SLC12A8: variants seen among roughly 807,000 people sequenced by gnomAD.
SLC12A8 encodes cation-chloride cotransporter 9.
A neutral mutation model predicts 75.6 loss-of-function variants in SLC12A8; 69 were observed. The observed-to-expected ratio is 0.91, with a 90% CI of 0.75 to 1.11. The LOEUF (loss-of-function observed/expected upper bound fraction) is 1.11. SLC12A8 is among the 50% of genes most tolerant of loss of function. The probability of loss-of-function intolerance (pLI) is 0.00; values close to 1 mark genes in which losing one functional copy is unlikely to be tolerated. For missense variants in SLC12A8, 877 were observed against 896.7 expected (o/e 0.98, Z 0.28); for synonymous variants, 365 against 372.8 (o/e 0.98, Z 0.24).
chr3:125,084,308 A>G (rs963050486), intron 13 of SLC12A8, among the ~76,000 whole-genome samples: 2 of 152,160 alleles, frequency 1.3e-5, no homozygotes, highest in Non-Finnish European at 2.9e-5. Context: ...AGCTGTACCT[A>G]CCTGATAGGA....
chr3:125,130,258 C>T (rs1933319399), intron 6 of SLC12A8, among the ~76,000 whole-genome samples: 1 of 152,114 alleles, frequency 6.6e-6, no homozygotes, highest in South Asian at 2.1e-4. Context: ...GCCAGAATGT[C>T]CAGTGTCTGT....
intron 5 of SLC12A8, among the ~76,000 whole-genome samples, chr3:125,145,173 G>A (rs773932936): frequency 6.6e-6 from 1 of 152,184 alleles, no homozygotes; most frequent in African/African-American, 2.4e-5. Context: ...GCTGCTCAGG[G>A]GAGACCAGAA....
rs143298361 is a variant in SLC12A8 at position 125,108,447 on chromosome 3, C to T, written c.1060-321G>A. Among the ~76,000 whole-genome samples, 244 of 152,100 alleles carry T rather than the reference C, an allele frequency of 1.6e-3. 11 individuals carry two copies. In the South Asian group the frequency reaches 0.049, roughly 31 times the overall value. On this transcript the variant is annotated intron_variant, in intron 9 of 13. Coordinates refer to ENST00000469902, the MANE Select transcript of SLC12A8 (RefSeq NM_024628.6). Reference sequence around the variant, plus strand: ...GCAGTGATGTGATCTCAGCTCATTGCAACCTCCGCCTCTTGGGCTTAAGCC... The same window carrying T: ...GCAGTGATGTGATCTCAGCTCATTGTAACCTCCGCCTCTTGGGCTTAAGCC...
chr3:125,165,212 G>C (rs562586316), intron 5 of SLC12A8, among the ~76,000 whole-genome samples: 3 of 152,224 alleles, frequency 2.0e-5, no homozygotes, highest in Non-Finnish European at 2.9e-5. Context: ...GAAGGAGAAC[G>C]TGAATGCCAG....
At position 125,110,083 on chromosome 3, in the gene SLC12A8, T is replaced by C. The variant is rs553026240; in HGVS notation, c.1059+106A>G. ...ATTTTCTGTGTCACCCCAAAGAAAT[T>C]GACCAGAGGCTCTGATCAGAAAAGC... On this transcript the variant is annotated intron_variant, in intron 9 of 13. Coordinates refer to ENST00000469902, the MANE Select transcript of SLC12A8 (RefSeq NM_024628.6). 9.9e-6 allele frequency: 12 copies of C among 1,210,098 alleles called. No individual in the cohort carries two copies. The South Asian group carries it at 1.1e-4, about 11-fold the overall frequency. 75.0% of individuals were successfully genotyped at this position (1,210,098 alleles called of 1,614,324 possible).
At chr3:125,126,981 T>C (rs772284306) in intron 6 of SLC12A8, among the ~76,000 whole-genome samples, 2 of 152,206 alleles carry the variant, frequency 1.3e-5, no homozygotes, top group Non-Finnish European at 1.5e-5. Flanking sequence ...ATGGGGATTA[T>C]ACTGTTTGCT....
Position 125,177,737 on chromosome 3 carries a change from G to C in SLC12A8, c.622+6C>G, listed in dbSNP as rs765976629. 6.2e-7 allele frequency: 1 copy of C among 1,611,592 alleles called. No homozygotes were observed. The highest frequency in any genetic ancestry group is 8.5e-7 in the Non-Finnish European group (1 of 1,177,956). ...AAGGCCACATACTGGACTCTGAAAG[G>C]CTTACCTGGGTCCAGGTGGGTGAAA... On this transcript the variant is annotated splice_donor_region_variant and intron_variant, in intron 5 of 13. Transcript: ENST00000469902.
chr3:125,194,103 G>A (rs944059660), intron 2 of SLC12A8, among the ~76,000 whole-genome samples: 1 of 152,228 alleles, frequency 6.6e-6, no homozygotes, highest in Admixed American at 6.5e-5. Context: ...AAAGCAAGGG[G>A]CAAATCAATC....
At chr3:125,177,715 G>C (rs543204076) in intron 5 of SLC12A8, 28 bp downstream of exon 5, 2 of 1,570,160 alleles carry the variant, frequency 1.3e-6, no homozygotes, top group South Asian at 2.2e-5. Flanking sequence ...GATCCATAAG[G>C]CCACATACTG....
chr3:125,153,090 C>T (rs927544282), intron 5 of SLC12A8, among the ~76,000 whole-genome samples: 3 of 152,208 alleles, frequency 2.0e-5, no homozygotes, highest in Non-Finnish European at 4.4e-5. Context: ...ACTCTCATCA[C>T]ACTTTCACAA....
intron 2 of SLC12A8, among the ~76,000 whole-genome samples, chr3:125,202,248 T>A (rs1935136672): frequency 6.6e-6 from 1 of 152,232 alleles, no homozygotes; most frequent in Admixed American, 6.5e-5. Flanking sequence ...AATTAATTGA[T>A]AATGTTCTAG....
intron 6 of SLC12A8, among the ~76,000 whole-genome samples, chr3:125,126,288 A>G (rs1933204580): frequency 6.6e-6 from 1 of 152,196 alleles, no homozygotes. Context: ...CTAGACATTG[A>G]CATCACACCT....
chr3:125,117,892 C>G (rs1413571165), intron 8 of SLC12A8, among the ~76,000 whole-genome samples: 2 of 152,198 alleles, frequency 1.3e-5, no homozygotes, highest in Non-Finnish European at 2.9e-5. Context: ...AGGGTGCAGA[C>G]TCTAGAAACA....
chr3:125,131,952 G>A (rs1280658794), intron 6 of SLC12A8, among the ~76,000 whole-genome samples: 9 of 152,148 alleles, frequency 5.9e-5, no homozygotes, highest in Non-Finnish European at 1.3e-4. Context: ...CAGAAGGAAA[G>A]GTTTGGGGAG....
intron 5 of SLC12A8, among the ~76,000 whole-genome samples, chr3:125,143,399 C>T (rs574507712): frequency 5.9e-5 from 9 of 152,200 alleles, no homozygotes; most frequent in Non-Finnish European, 1.2e-4. Context: ...TGATAGGTTT[C>T]GAAGAGGCCC....
chr3:125,084,683 A>G (rs1179570685), intron 13 of SLC12A8, among the ~76,000 whole-genome samples: 6 of 152,238 alleles, frequency 3.9e-5, no homozygotes, highest in East Asian at 1.9e-4. Flanking sequence ...GCTAAGAGGA[A>G]GAAAGGAGTG....
At chr3:125,122,909 CAAG>C (rs1277266572) in intron 6 of SLC12A8, among the ~76,000 whole-genome samples, 2 of 151,938 alleles carry the variant, frequency 1.3e-5, no homozygotes, top group Non-Finnish European at 2.9e-5. Flanking sequence ...CAGGTACATC[CAAG>C]AAGAATATTC....
intron 5 of SLC12A8, among the ~76,000 whole-genome samples, chr3:125,163,532 G>A (rs1934220146): frequency 6.6e-6 from 1 of 150,714 alleles, no homozygotes; most frequent in Non-Finnish European, 1.5e-5. Context: ...CTGGGAGGCA[G>A]AGCTTGGAGT....
intron 2 of SLC12A8, among the ~76,000 whole-genome samples, chr3:125,200,514 T>C (rs1935099661): frequency 6.6e-6 from 1 of 152,134 alleles, no homozygotes; most frequent in Non-Finnish European, 1.5e-5. Flanking sequence ...ACCACATTAT[T>C]AGAAATATTT....
Sources: gnomAD v4.1 joint callset for allele counts (sites outside exome capture counted in the v4.1 genomes callset) on GRCh38, gnomAD v4.1.1 for gene constraint, MANE v1.5 for transcripts, NCBI Gene and HGNC (gene_info 2026-07-23, HGNC 2026-07-21) for gene names.